Variants in RIMS2 observed in about 807,000 individuals in gnomAD.
RIMS2 encodes regulating synaptic membrane exocytosis 2.
Under a neutral mutation model 174.4 loss-of-function variants are expected in RIMS2, and 59 were observed. That is an observed-to-expected ratio of 0.34 (90% CI 0.27 to 0.42). The LOEUF (loss-of-function observed/expected upper bound fraction) is 0.42. Among genes scored for constraint, RIMS2 ranks in the 10% least tolerant of loss-of-function variants. The probability of loss-of-function intolerance (pLI) is 1.00; values close to 1 mark genes in which losing one functional copy is unlikely to be tolerated. For synonymous variants in RIMS2, 606 were observed against 572.5 expected, an observed-to-expected ratio of 1.06 and a Z score of -0.84; for missense variants, 1,620 against 1,666.3, an observed-to-expected ratio of 0.97 and a Z score of 0.48.
intron 15 of RIMS2, among the ~76,000 whole-genome samples, chr8:103,961,715 A>G (rs2090152968): frequency 6.6e-6 from 1 of 152,130 alleles, no homozygotes; most frequent in South Asian, 2.1e-4. Context: ...TAATATTGTA[A>G]AATAAAGTAT....
At chr8:104,157,151 TTAC>T (rs1423291712) in intron 19 of RIMS2, among the ~76,000 whole-genome samples, 2 of 152,166 alleles carry the variant, frequency 1.3e-5, no homozygotes, top group African/African-American at 2.4e-5. Flanking sequence ...TGTATGTTAT[TTAC>T]TACAAGTGAC....
intron 19 of RIMS2, among the ~76,000 whole-genome samples, chr8:104,243,911 C>G (rs2099316646): frequency 6.6e-6 from 1 of 152,126 alleles, no homozygotes; most frequent in Non-Finnish European, 1.5e-5. Flanking sequence ...TTTTGTGGAA[C>G]CCACTCCCCC....
chr8:104,046,012 G>A (rs1179989711), intron 19 of RIMS2, among the ~76,000 whole-genome samples: 1 of 151,896 alleles, frequency 6.6e-6, no homozygotes, highest in Non-Finnish European at 1.5e-5. Flanking sequence ...TTCTGTTTTG[G>A]TTCTCTGATT....
At chr8:103,877,770 A>C (rs1207416795) in intron 3 of RIMS2, among the ~76,000 whole-genome samples, 1 of 151,582 alleles carries the variant, frequency 6.6e-6, no homozygotes, top group Non-Finnish European at 1.5e-5. Context: ...CTGTGAAAAA[A>C]AGGATGCTGA....
intron 17 of RIMS2, among the ~76,000 whole-genome samples, chr8:104,001,064 C>T (rs2095364810): frequency 6.6e-6 from 1 of 151,720 alleles, no homozygotes; most frequent in Admixed American, 6.6e-5. Context: ...AGCTTTTCAC[C>T]TTGATAGAAT....
At chr8:103,597,758 C>G (rs915998756) in intron 1 of RIMS2, among the ~76,000 whole-genome samples, 2 of 151,888 alleles carry the variant, frequency 1.3e-5, no homozygotes, top group Middle Eastern at 3.4e-3. Flanking sequence ...CTATCTGAAC[C>G]TTATGAATAT....
At chr8:104,187,605 A>G (rs1242262020) in intron 19 of RIMS2, among the ~76,000 whole-genome samples, 1 of 151,676 alleles carries the variant, frequency 6.6e-6, no homozygotes, top group Non-Finnish European at 1.5e-5. Context: ...AAAGCAACAC[A>G]CTTGTATTTC....
intron 3 of RIMS2, among the ~76,000 whole-genome samples, chr8:103,846,034 TCTGCCCAATTGA>T (rs769384519): frequency 7.2e-4 from 110 of 152,216 alleles, no homozygotes; most frequent in African/African-American, 1.6e-3. Context: ...TCACCTTGAT[TCTGCCCAATTGA>T]CTGCCCAATT....
intron 4 of RIMS2, among the ~76,000 whole-genome samples, chr8:103,903,180 T>A (rs2073590180): frequency 6.6e-6 from 1 of 152,134 alleles, no homozygotes; most frequent in Non-Finnish European, 1.5e-5. Flanking sequence ...CTGTTAGATA[T>A]CACAACTAAT....
intron 16 of RIMS2, among the ~76,000 whole-genome samples, chr8:103,985,271 C>T (rs995609875): frequency 6.6e-6 from 1 of 151,662 alleles, no homozygotes; most frequent in Admixed American, 6.6e-5. Context: ...GTCAGGAGTT[C>T]GAGACCAGCC....
intron 19 of RIMS2, among the ~76,000 whole-genome samples, chr8:104,036,327 A>G (rs1297464294): frequency 6.6e-6 from 1 of 150,832 alleles, no homozygotes; most frequent in Non-Finnish European, 1.5e-5. Flanking sequence ...ATTTTTTTGT[A>G]TTTTTAGTAG....
At chr8:103,567,385 G>T (rs2092445880) in intron 1 of RIMS2, among the ~76,000 whole-genome samples, 1 of 152,056 alleles carries the variant, frequency 6.6e-6, no homozygotes, top group Non-Finnish European at 1.5e-5. Context: ...AGATTTGTCT[G>T]TTCTCATTAC....
chr8:103,651,285 A>C (rs775350013), intron 1 of RIMS2, among the ~76,000 whole-genome samples: 11 of 152,172 alleles, frequency 7.2e-5, no homozygotes, highest in Non-Finnish European at 1.5e-4. Context: ...TTGTTTGCTT[A>C]GTCAGTTTCA....
intron 19 of RIMS2, among the ~76,000 whole-genome samples, chr8:104,208,854 T>C (rs549768962): frequency 9.8e-5 from 15 of 152,304 alleles, no homozygotes; most frequent in African/African-American, 2.9e-4. Flanking sequence ...CACTTTTAAA[T>C]GGACCCGAAA....
At chr8:103,621,194 G>A (rs1356412808) in intron 1 of RIMS2, among the ~76,000 whole-genome samples, 1 of 152,162 alleles carries the variant, frequency 6.6e-6, no homozygotes, top group Non-Finnish European at 1.5e-5. Context: ...TCCTCAGCAA[G>A]GCCATTGTTA....
At chr8:104,183,014 A>T (rs1200386816) in intron 19 of RIMS2, among the ~76,000 whole-genome samples, 1 of 151,784 alleles carries the variant, frequency 6.6e-6, no homozygotes, top group East Asian at 1.9e-4. Flanking sequence ...AAAGAAATAA[A>T]TGAGCCATTG....
intron 1 of RIMS2, among the ~76,000 whole-genome samples, chr8:103,617,689 G>A (rs72679411): frequency 0.012 from 1,764 of 152,166 alleles, 19 homozygotes; most frequent in Non-Finnish European, 0.02. Context: ...TAAAAAGTGG[G>A]CAAAGAACAT....
At chr8:104,035,329 T>C (rs1244384964) in intron 19 of RIMS2, among the ~76,000 whole-genome samples, 1 of 152,078 alleles carries the variant, frequency 6.6e-6, no homozygotes, top group Non-Finnish European at 1.5e-5. Flanking sequence ...TTTTGAAAAT[T>C]GAAAATATTC....
At chr8:104,158,158 T>C (rs1045964915) in intron 19 of RIMS2, among the ~76,000 whole-genome samples, 2 of 152,212 alleles carry the variant, frequency 1.3e-5, no homozygotes, top group Admixed American at 6.5e-5. Context: ...TTTGGTTTTC[T>C]GTCCTTGTGA....
Sources: allele counts gnomAD v4.1 joint callset (sites outside exome capture counted in the v4.1 genomes callset), GRCh38; gene constraint gnomAD v4.1.1; transcripts MANE v1.5; gene names NCBI Gene and HGNC (gene_info 2026-07-23, HGNC 2026-07-21).